The following DGKI variants were observed in gnomAD, a reference collection of about 807,000 sequenced individuals.
The protein encoded by DGKI is DAG kinase iota.
In DGKI, 55 loss-of-function variants were observed where a neutral mutation model predicts 147.5. The ratio of observed to expected loss-of-function variants is 0.37; its 90% confidence interval spans 0.30 to 0.47. The LOEUF (loss-of-function observed/expected upper bound fraction) is 0.47, where lower values mean the gene tolerates loss of function less well. DGKI is among the 20% of genes least tolerant of loss of function. The pLI, the probability that DGKI is intolerant of heterozygous loss-of-function variation, is 1.00. For synonymous variants in DGKI, 469 were observed against 477.1 expected, an observed-to-expected ratio of 0.98 and a Z score of 0.22; for missense variants, 1,007 against 1,323.8, an observed-to-expected ratio of 0.76 and a Z score of 3.71.
At chr7:137,419,254 T>C (rs894603785) in intron 28 of DGKI, among the ~76,000 whole-genome samples, 7 of 152,212 alleles carry the variant, frequency 4.6e-5, no homozygotes, top group Admixed American at 3.9e-4. Flanking sequence ...GGCCCAACTT[T>C]TTGTGTGTGC....
intron 1 of DGKI, among the ~76,000 whole-genome samples, chr7:137,842,087 C>A (rs1366375352): frequency 6.6e-6 from 1 of 152,112 alleles, no homozygotes. Flanking sequence ...TAAATTAGAA[C>A]CAAGATCTTA....
At chr7:137,561,152 T>C (rs910531973) in intron 19 of DGKI, among the ~76,000 whole-genome samples, 4 of 151,484 alleles carry the variant, frequency 2.6e-5, no homozygotes, top group Admixed American at 1.3e-4. Flanking sequence ...ACTGCTCCAA[T>C]AGCCAAGATA....
chr7:137,755,021 T>G (rs986546785), intron 1 of DGKI, among the ~76,000 whole-genome samples: 1 of 152,238 alleles, frequency 6.6e-6, no homozygotes, highest in Non-Finnish European at 1.5e-5. Flanking sequence ...GGAACTTTAT[T>G]CTTTATTTTG....
chr7:137,495,700 A>C (rs1293189856), intron 21 of DGKI, among the ~76,000 whole-genome samples: 2 of 152,016 alleles, frequency 1.3e-5, no homozygotes, highest in Non-Finnish European at 1.5e-5. Context: ...AGAACTAAAG[A>C]CCAAAACTAC....
chr7:137,602,437 T>C lies in DGKI; in HGVS notation c.1168-2532A>G, dbSNP rs376712159. On this transcript the variant is annotated intron_variant, in intron 10 of 32. Coordinates refer to ENST00000614521, the MANE Select transcript of DGKI (RefSeq NM_001321708.2). ...TGCCTGCAATTGTGTAAAGATAACT[T>C]GCATAGCCAGGCATGGCTACCCTGT... is the stretch of plus-strand genomic sequence containing the variant. Among the ~76,000 whole-genome samples, 11 of 152,342 alleles carry C rather than the reference T, an allele frequency of 7.2e-5. No homozygotes were observed. In the East Asian group the frequency reaches 1.7e-3, roughly 24 times the overall value.
intron 28 of DGKI, among the ~76,000 whole-genome samples, chr7:137,431,376 T>C (rs190981657): frequency 6.6e-6 from 1 of 152,240 alleles, no homozygotes; most frequent in Non-Finnish European, 1.5e-5. Context: ...TCAATAATCA[T>C]TGGCACTTTG....
chr7:137,485,325 C>A (rs1200025884), intron 23 of DGKI, 49 bp downstream of exon 23: 1 of 1,419,270 alleles, frequency 7.0e-7, no homozygotes, highest in Non-Finnish European at 9.8e-7. Flanking sequence ...GAAAGATGGA[C>A]TTCATTTGGC....
Position 137,391,348 on chromosome 7 carries a change from T to C in DGKI, c.3058-12A>G. The stretch of plus-strand genomic sequence containing the variant: ...TGAGGTGTCTTACCCTATACGAAAA[T>C]AGTGAGAAAAAAAAAAAGAGAGAGA... On this transcript the variant is annotated splice_polypyrimidine_tract_variant and intron_variant, in intron 32 of 32. Transcript: ENST00000614521. The C allele has an allele frequency of 6.9e-7, 1 of 1,453,750 alleles. No individual in the cohort carries two copies. The highest frequency in any genetic ancestry group is 9.1e-7 in the Non-Finnish European group (1 of 1,096,894). The allele number at this position is 1,453,750 out of a possible 1,614,324, so 90.1% of individuals were successfully genotyped here. A position where few individuals can be genotyped will look rare whatever the true frequency, so the allele number is the denominator to read the frequency against.
At chr7:137,603,538 G>A (rs1354252207) in intron 10 of DGKI, among the ~76,000 whole-genome samples, 4 of 152,252 alleles carry the variant, frequency 2.6e-5, no homozygotes, top group African/African-American at 4.8e-5. Flanking sequence ...CATGTGTACC[G>A]TCGGGATCTC....
intron 19 of DGKI, among the ~76,000 whole-genome samples, chr7:137,563,516 G>A (rs920409789): frequency 6.6e-6 from 1 of 151,822 alleles, no homozygotes; most frequent in Admixed American, 6.6e-5. Flanking sequence ...TATAATTGTG[G>A]TTGCAGAAAA....
At chr7:137,693,905 G>A (rs1370282332) in intron 1 of DGKI, among the ~76,000 whole-genome samples, 2 of 152,198 alleles carry the variant, frequency 1.3e-5, no homozygotes, top group Non-Finnish European at 2.9e-5. Flanking sequence ...AAACGGCTTT[G>A]TGTGGTCAAC....
chr7:137,576,995 G>A (rs1819004667), intron 17 of DGKI, among the ~76,000 whole-genome samples: 1 of 152,118 alleles, frequency 6.6e-6, no homozygotes, highest in East Asian at 1.9e-4. Flanking sequence ...CTTCAAAACT[G>A]AACTGTGAGT....
intron 1 of DGKI, among the ~76,000 whole-genome samples, chr7:137,738,424 A>G (rs759630757): frequency 1.3e-5 from 2 of 152,286 alleles, no homozygotes; most frequent in South Asian, 4.1e-4. Context: ...GGATCTAGTC[A>G]CTGTAAGATA....
chr7:137,823,099 AG>A (rs1797951003), intron 1 of DGKI, among the ~76,000 whole-genome samples: 1 of 152,114 alleles, frequency 6.6e-6, no homozygotes, highest in South Asian at 2.1e-4. Flanking sequence ...TGGCATTAAA[AG>A]TTTTTAGAGC....
rs140251072 is a variant in DGKI, at chr7:137,694,087, C to T, written c.402-4085G>A. Among the ~76,000 whole-genome samples the T allele has an allele frequency of 9.6e-3, 1,456 of 152,104 alleles. 31 individuals carry two copies. Among genetic ancestry groups the T allele is most frequent in the African/African-American group, 0.034 (1,403 of 41,506 alleles). On this transcript the variant is annotated intron_variant, in intron 1 of 32. Coordinates refer to ENST00000614521, the MANE Select transcript of DGKI (RefSeq NM_001321708.2). ...CTGTAATCCCAGCACTTTGGGAGGC[C>T]GAGGCGGGCAGATCACAAGGTCAGG...
chr7:137,428,925 A>C (rs1246054013), intron 28 of DGKI, among the ~76,000 whole-genome samples: 3 of 152,210 alleles, frequency 2.0e-5, no homozygotes, highest in Non-Finnish European at 4.4e-5. Context: ...ATGGAACAAC[A>C]TTCCATGCTC....
At chr7:137,398,096 T>A (rs1400994075) in intron 30 of DGKI, among the ~76,000 whole-genome samples, 5 of 152,292 alleles carry the variant, frequency 3.3e-5, no homozygotes, top group African/African-American at 1.2e-4. Context: ...CCTATGGGTA[T>A]CCAATGAGAC....
At chr7:137,655,674 G>A (rs566191452) in intron 4 of DGKI, among the ~76,000 whole-genome samples, 3 of 152,254 alleles carry the variant, frequency 2.0e-5, no homozygotes, top group South Asian at 4.1e-4. Context: ...ATAACATGTT[G>A]GTAGTCATTG....
intron 20 of DGKI, 136 bp downstream of exon 20, chr7:137,552,233 G>A: frequency 1.2e-6 from 1 of 803,490 alleles, no homozygotes; most frequent in East Asian, 2.6e-5. Context: ...TCCTATGAGA[G>A]AAACCAAGGA....
Sources: allele counts gnomAD v4.1 joint callset (sites outside exome capture counted in the v4.1 genomes callset), GRCh38; gene constraint gnomAD v4.1.1; transcripts MANE v1.5; gene names NCBI Gene and HGNC (gene_info 2026-07-23, HGNC 2026-07-21).